ZFP37: variants seen among roughly 807,000 people sequenced by gnomAD.
ZFP37 encodes the protein zinc finger protein 37 homolog.
A neutral mutation model predicts 52.1 loss-of-function variants in ZFP37; 38 were observed. The observed-to-expected ratio is 0.73, with a 90% CI of 0.56 to 0.96. ZFP37 has a LOEUF of 0.96. ZFP37 is among the 40% of genes least tolerant of loss of function. The probability of loss-of-function intolerance (pLI) is 0.00; values close to 1 mark genes in which losing one functional copy is unlikely to be tolerated. For missense variants in ZFP37, 695 were observed against 741.4 expected (o/e 0.94, Z 0.73); for synonymous variants, 253 against 259.5 (o/e 0.98, Z 0.24).
In ZFP37 at chr9:113,056,716, G is replaced by C. The variant is rs1587918155; in HGVS notation, c.-28C>G. 3.1e-6 allele frequency: 5 copies of C among 1,603,474 alleles called. No homozygotes were observed. Among genetic ancestry groups the C allele is most frequent in the African/African-American group, 1.3e-5 (1 of 74,680 alleles). ...CGGCTACCCGGAGGGCGGCCTTAGC[G>C]GGTCCGGCAGCCGCGATGGCGGCGC... On this transcript the variant is annotated 5_prime_UTR_variant, in exon 1 of 4. Transcript: ENST00000374227.
At position 113,042,917 on chromosome 9, in the gene ZFP37, A is replaced by G. The variant is rs1828873231; in HGVS notation, c.1701T>C (p.His567=). The G allele has an allele frequency of 1.1e-5, 18 of 1,613,918 alleles. No individual in the cohort carries two copies. Among genetic ancestry groups the G allele is most frequent in the Non-Finnish European group, 1.4e-5 (17 of 1,179,916 alleles). ...KSHLIVHQRT[H]TGEKPYECNE... ...TACATTCATAAGGTTTCTCCCCAGT[A>G]TGAGTTCTCTGATGTACAATGAGGT... is the stretch of plus-strand genomic sequence containing the variant. The change falls in exon 4 of 4, where the codon CAT becomes CAC. Residue 567 remains histidine, a synonymous_variant. Transcript: ENST00000374227.
In ZFP37 at chr9:113,056,636, CG is replaced by C. The variant is rs757846987; in HGVS notation, c.52del (p.Arg18GlyfsTer43). 3 of 1,613,850 alleles carry C rather than the reference CG, an allele frequency of 1.9e-6. No individual in the cohort carries two copies. Among genetic ancestry groups the C allele is most frequent in the Non-Finnish European group, 2.5e-6 (3 of 1,179,988 alleles). ...TTTGGTCGTTTCCGCACTTCTCCTCCGGTCCACGGTCTCTGGCTTTGTCAGA... is the reference window on the plus strand; with the variant it reads ...TTTGGTCGTTTCCGCACTTCTCCTCCGTCCACGGTCTCTGGCTTTGTCAGA... ...QILTKPETVD[R>X]RRSAETTKEA... is the part of the protein sequence containing the mutation. On this transcript the variant is annotated frameshift_variant, in exon 1 of 4. Transcript: ENST00000374227. LOFTEE classifies it high-confidence loss of function.
Position 113,049,368 on chromosome 9 carries a change from C to A in ZFP37, c.343G>T (p.Asp115Tyr). The A allele has an allele frequency of 6.2e-7, 1 of 1,612,406 alleles. No individual in the cohort carries two copies. The highest frequency in any genetic ancestry group is 1.3e-5 in the African/African-American group (1 of 74,936). Residue 115 changes from aspartate (D) to tyrosine (Y), a missense_variant, in exon 3 of 4, where the codon GAT becomes TAT. This residue lies in a region of ZFP37 where 369 missense variants were observed against 340.9 expected (regional missense o/e 1.08). Transcript: ENST00000374227. ...TTTCAAAGTTACAACTTACTTCCAT[C>A]AGTTTCTTTTTGCTTGGGTCTTGCT... ...KIARPKQKET[D>Y]GKVQKDDDQL...
intron 3 of ZFP37, among the ~76,000 whole-genome samples, chr9:113,046,114 G>GC (rs959667184): frequency 4.0e-5 from 6 of 151,076 alleles, no homozygotes; most frequent in Non-Finnish European, 8.8e-5. Flanking sequence ...CAGAAGATCA[G>GC]TTTTTGAAAA....
Position 113,039,717 on chromosome 9 carries a change from C to T in ZFP37, c.*3008G>A, listed in dbSNP as rs2118670055. The T allele has an allele frequency of 6.6e-6, 1 of 152,228 alleles. No individual in the cohort carries two copies. The highest frequency in any genetic ancestry group is 1.9e-4 in the East Asian group (1 of 5,190). 9.4% of individuals were successfully genotyped at this position (152,228 alleles called of 1,614,324 possible). A position where few individuals can be genotyped will look rare whatever the true frequency, so the allele number is the denominator to read the frequency against. On this transcript the variant is annotated 3_prime_UTR_variant, in exon 4 of 4. Transcript: ENST00000374227. Reference sequence around the variant, plus strand: ...CTTTTTGTTTTGTAGACTGCTGTATCTCAGGCACTTAGATGATCATATCAC... The same window carrying T: ...CTTTTTGTTTTGTAGACTGCTGTATTTCAGGCACTTAGATGATCATATCAC...
rs756010466 is a variant in ZFP37 at position 113,049,548 on chromosome 9, T to C, written c.215-52A>G. 3 of 1,580,392 alleles carry C rather than the reference T, an allele frequency of 1.9e-6. No individual in the cohort carries two copies. The African/African-American group carries it at 4.0e-5, about 21-fold the overall frequency. ...AGTGTTAGAACAACCATCCCAGAAATGAAGCCGCAGCATTTGTACTTCAGG... is the reference window on the plus strand; with the variant it reads ...AGTGTTAGAACAACCATCCCAGAAACGAAGCCGCAGCATTTGTACTTCAGG... On this transcript the variant is annotated intron_variant, in intron 2 of 3. Transcript: ENST00000374227.
intron 1 of ZFP37, among the ~76,000 whole-genome samples, chr9:113,056,006 CAT>C (rs1481006543): frequency 6.6e-6 from 1 of 151,816 alleles, no homozygotes; most frequent in Non-Finnish European, 1.5e-5. Context: ...CTCCAACAGT[CAT>C]ATTCCCCCCT....
At chr9:113,044,307 G>C in intron 3 of ZFP37, 39 bp from the exon 4 acceptor site, 1 of 1,501,810 alleles carries the variant, frequency 6.7e-7, no homozygotes, top group Non-Finnish European at 8.9e-7. Flanking sequence ...GTGAATCTTT[G>C]TACTCTTATA....
rs770643733 is a variant in ZFP37 at position 113,043,954 on chromosome 9, C to T, written c.664G>A (p.Gly222Ser). 2 of 1,613,952 alleles carry T rather than the reference C, an allele frequency of 1.2e-6. No homozygotes were observed. Among genetic ancestry groups the T allele is most frequent in the South Asian group, 1.1e-5 (1 of 91,074 alleles). The change falls in exon 4 of 4, where the codon GGC becomes AGC. Residue 222 changes from glycine (G) to serine (S), a missense_variant. By Grantham distance (56) the Gly-to-Ser change is moderately conservative. Transcript: ENST00000374227. ...FNHSLSDTRKGKKQTGKKHEK... is the reference protein window; with the variant it reads ...FNHSLSDTRKSKKQTGKKHEK... ...TGTTTCTTTCCAGTTTGCTTTTTGCCTTTCCTTGTATCAGATAAGCTATGG... is the reference window on the plus strand; with the variant it reads ...TGTTTCTTTCCAGTTTGCTTTTTGCTTTTCCTTGTATCAGATAAGCTATGG...
chr9:113,054,287 C>A (rs1257502258), intron 1 of ZFP37, among the ~76,000 whole-genome samples: 2 of 152,186 alleles, frequency 1.3e-5, no homozygotes, highest in Non-Finnish European at 1.5e-5. Context: ...CAGTTTTCCT[C>A]TTACTTCAAT....
chr9:113,053,713 C>A (rs1484646608), intron 1 of ZFP37, among the ~76,000 whole-genome samples: 1 of 152,188 alleles, frequency 6.6e-6, no homozygotes, highest in African/African-American at 2.4e-5. Flanking sequence ...CTTGTTACCA[C>A]CAATTCCAGC....
At chr9:113,051,939 C>T (rs1217450255) in intron 1 of ZFP37, among the ~76,000 whole-genome samples, 1 of 152,192 alleles carries the variant, frequency 6.6e-6, no homozygotes, top group African/African-American at 2.4e-5. Context: ...ACCTCCCAAT[C>T]AGTAGCAGCA....
chr9:113,050,774 G>T (rs2118711665), intron 1 of ZFP37, among the ~76,000 whole-genome samples: 1 of 152,222 alleles, frequency 6.6e-6, no homozygotes, highest in Admixed American at 6.5e-5. Context: ...GCAGGCACCT[G>T]TAATTCCGGC....
intron 1 of ZFP37, among the ~76,000 whole-genome samples, chr9:113,051,119 A>G (rs1368717664): frequency 6.6e-6 from 1 of 152,206 alleles, no homozygotes; most frequent in Non-Finnish European, 1.5e-5. Flanking sequence ...AAATTGGGAA[A>G]GACTTAATAT....
At position 113,038,955 on chromosome 9, in the gene ZFP37, T is replaced by G. The variant is rs1443364672; in HGVS notation, c.*3770A>C. 1 of 152,172 alleles carries G rather than the reference T, an allele frequency of 6.6e-6. No homozygotes were observed. Among genetic ancestry groups the G allele is most frequent in the Non-Finnish European group, 1.5e-5 (1 of 68,036 alleles). 9.4% of individuals were successfully genotyped at this position (152,172 alleles called of 1,614,324 possible). A position where few individuals can be genotyped will look rare whatever the true frequency, so the allele number is the denominator to read the frequency against. On this transcript the variant is annotated 3_prime_UTR_variant, in exon 4 of 4. Transcript: ENST00000374227. ...GGATTACTCACTTGATGCCTGGAGATGCATCACTCAAACACATTCCTGAGA... is the reference window on the plus strand; with the variant it reads ...GGATTACTCACTTGATGCCTGGAGAGGCATCACTCAAACACATTCCTGAGA...
At chr9:113,050,037 C>A (rs1829029175) in intron 1 of ZFP37, 165 bp from the exon 2 acceptor site, 7 of 1,109,216 alleles carry the variant, frequency 6.3e-6, no homozygotes, top group African/African-American at 1.6e-5. Context: ...ATAAAGGATA[C>A]CTATTCTCTA....
In ZFP37 at chr9:113,049,845, T is replaced by C; in HGVS notation, c.160A>G (p.Ser54Gly). The change falls in exon 2 of 4, where the codon AGC (serine) becomes GGC (glycine). Residue 54 changes from serine to glycine, a missense_variant. Ser to Gly is a moderately conservative substitution (Grantham distance 56). Around this residue, in one of 2 missense-constraint regions of ZFP37, gnomAD observed 369 missense variants for 340.9 expected, o/e 1.08. Coordinates refer to ENST00000374227, the MANE Select transcript of ZFP37 (RefSeq NM_003408.3). ...AGCATCACATCATTATACAGGTTGCTCTGAGCAGGATCCAGTTGCTTCCAT... is the reference window on the plus strand; with the variant it reads ...AGCATCACATCATTATACAGGTTGCCCTGAGCAGGATCCAGTTGCTTCCAT... ...AEWKQLDPAQ[S>G]NLYNDVMLEN... 6.2e-7 allele frequency: 1 copy of C among 1,614,114 alleles called. No homozygotes were observed. The highest frequency in any genetic ancestry group is 1.1e-5 in the South Asian group (1 of 91,086).
At chr9:113,056,471 C>T (rs1829146084) in intron 1 of ZFP37, 86 bp downstream of exon 1, 1 of 1,556,780 alleles carries the variant, frequency 6.4e-7, no homozygotes, top group South Asian at 1.2e-5. Flanking sequence ...TCCCAAATCA[C>T]CTATCGTCAC....
intron 3 of ZFP37, among the ~76,000 whole-genome samples, chr9:113,047,610 G>GA (rs1432177276): frequency 6.6e-6 from 1 of 151,868 alleles, no homozygotes; most frequent in Admixed American, 6.6e-5. Flanking sequence ...AAAAATTAGG[G>GA]AAAAAAATGG....
Sources: allele counts gnomAD v4.1 joint callset (sites outside exome capture counted in the v4.1 genomes callset), GRCh38; gene constraint gnomAD v4.1.1; regional missense constraint gnomAD v4.1.1; transcripts MANE v1.5; gene names NCBI Gene and HGNC (gene_info 2026-07-23, HGNC 2026-07-21).